Variants in SHPRH observed in about 807,000 individuals in gnomAD.
SHPRH encodes SNF2 histone linker PHD RING helicase, also known as E3 ubiquitin-protein ligase SHPRH.
Under a neutral mutation model 202.5 loss-of-function variants are expected in SHPRH, and 106 were observed. That is an observed-to-expected ratio of 0.52 (90% CI 0.45 to 0.62). The LOEUF is 0.62. SHPRH is among the 20% of genes least tolerant of loss of function. The pLI is 0.00. For synonymous variants in SHPRH, 729 were observed against 686.0 expected, an observed-to-expected ratio of 1.06 and a Z score of -0.98; for missense variants, 1,710 against 2,020.0, an observed-to-expected ratio of 0.85 and a Z score of 2.94.
intron 1 of SHPRH, among the ~76,000 whole-genome samples, chr6:145,960,167 C>A (rs1788940022): frequency 6.6e-6 from 1 of 151,954 alleles, no homozygotes; most frequent in African/African-American, 2.4e-5. Context: ...GTTCCTATCC[C>A]CTCTCCTTGG....
Position 145,941,685 on chromosome 6 carries a change from C to T in SHPRH, c.2428G>A (p.Ala810Thr). The T allele has an allele frequency of 6.2e-7, 1 of 1,614,066 alleles. No homozygotes were observed. Among genetic ancestry groups the T allele is most frequent in the Non-Finnish European group, 8.5e-7 (1 of 1,179,960 alleles). Residue 810 changes from alanine to threonine, a missense_variant, in exon 10 of 30, where the codon GCT (alanine) becomes ACT (threonine). Coordinates refer to ENST00000275233, the MANE Select transcript of SHPRH (RefSeq NM_001042683.3). ...AGGCAGATCCTCCACCACTCCACAG[C>T]TACCAGGGGGCTCGGGATAGCCATA... ...RYMAIPSPLVAVEWWRICLDE... is the reference protein window; with the variant it reads ...RYMAIPSPLVTVEWWRICLDE...
At chr6:145,895,485 G>A (rs1450581002) in intron 25 of SHPRH, among the ~76,000 whole-genome samples, 2 of 150,836 alleles carry the variant, frequency 1.3e-5, no homozygotes, top group African/African-American at 4.9e-5. Context: ...TACAAATGAT[G>A]CTCACTTAGA....
chr6:145,923,840 G>C, intron 17 of SHPRH, 55 bp from the exon 18 acceptor site: 1 of 1,565,112 alleles, frequency 6.4e-7, no homozygotes, highest in Non-Finnish European at 8.7e-7. Context: ...TACTCACTAA[G>C]CTTCCATCAC....
At chr6:145,906,171 C>A (rs1167954258) in intron 25 of SHPRH, 3 of 151,992 alleles carry the variant, frequency 2.0e-5, no homozygotes, top group Admixed American at 2.0e-4. Context: ...CCCTGAAGCC[C>A]AGTTATCCCA....
chr6:145,869,822 T>TTC (rs1283720160), intron 2 of SHPRH, among the ~76,000 whole-genome samples: 1 of 149,884 alleles, frequency 6.7e-6, no homozygotes, highest in African/African-American at 2.4e-5. Flanking sequence ...TTCTTTTCTT[T>TTC]TTTTTTTTTT....
intron 2 of SHPRH, among the ~76,000 whole-genome samples, chr6:145,874,130 G>A (rs1780190144): frequency 6.6e-6 from 1 of 151,956 alleles, no homozygotes; most frequent in Non-Finnish European, 1.5e-5. Context: ...TTCAGGAAGA[G>A]GAGGTTGCAG....
intron 28 of SHPRH, among the ~76,000 whole-genome samples, chr6:145,890,117 CT>C (rs1362444335): frequency 1.3e-5 from 2 of 152,074 alleles, no homozygotes; most frequent in African/African-American, 4.8e-5. Flanking sequence ...CATTCTCTTC[CT>C]TTTCTCTGCA....
intron 1 of SHPRH, among the ~76,000 whole-genome samples, chr6:145,959,026 C>A (rs867343202): frequency 6.6e-6 from 1 of 151,950 alleles, no homozygotes; most frequent in South Asian, 2.1e-4. Context: ...TTAGTAGAGA[C>A]GGGGTTTCAT....
chr6:145,923,088 G>T (rs1784565515), intron 18 of SHPRH, among the ~76,000 whole-genome samples: 2 of 151,776 alleles, frequency 1.3e-5, no homozygotes, highest in Non-Finnish European at 2.9e-5. Flanking sequence ...CATGAAAAAT[G>T]TATGTCTGTC....
intron 3 of SHPRH, 143 bp downstream of exon 3, chr6:145,952,206 A>C (rs181420358): frequency 1.4e-6 from 1 of 712,174 alleles, no homozygotes; most frequent in East Asian, 2.9e-5. Context: ...GGTGCATTTC[A>C]AATAAGTATA....
rs764127816 is a variant in SHPRH, at chr6:145,910,567, C to A, written c.4396G>T (p.Val1466Leu). The A allele has an allele frequency of 6.2e-7, 1 of 1,612,788 alleles. No individual in the cohort carries two copies. The highest frequency in any genetic ancestry group is 1.3e-5 in the African/African-American group (1 of 74,704). Residue 1466 changes from valine to leucine, a missense_variant, in exon 25 of 30, where the codon GTG (valine) becomes TTG (leucine). Transcript: ENST00000275233. ...CISIIIEQYS[V>L]GSHRSSIKCA... is the part of the protein sequence containing the mutation. ...TTAATGGAGCTTCTGTGAGATCCCA[C>A]GCTGTATTGTTCAATAATTATAGAA...
In SHPRH at chr6:145,893,312, T is replaced by G. The variant is rs182644629; in HGVS notation, c.4777A>C (p.Ile1593Leu). 86 of 1,606,208 alleles carry G rather than the reference T, an allele frequency of 5.4e-5. 1 individual carries two copies. In the East Asian group the frequency reaches 1.6e-3, roughly 30 times the overall value. ...AAGAGAACATGAGTTGCTTCAATGA[T>G]AGTTAATCCATTAGAACCTGTGTGC... is the stretch of plus-strand genomic sequence containing the variant. The part of the protein sequence containing the change: ...PLHTGSNGLT[I>L]IEATHVLLVE... The change falls in exon 28 of 30, where the codon ATC becomes CTC. Residue 1593 changes from isoleucine to leucine, a missense_variant. Ile to Leu is a conservative substitution (Grantham distance 5, BLOSUM62 2). Around this residue, in one of 8 missense-constraint regions of SHPRH, gnomAD observed 306 missense variants for 479.5 expected, o/e 0.64. Coordinates refer to ENST00000275233, the MANE Select transcript of SHPRH (RefSeq NM_001042683.3).
Position 145,927,172 on chromosome 6 carries a change from G to A in SHPRH, c.3201+17C>T. The A allele has an allele frequency of 6.2e-7, 1 of 1,605,582 alleles. No individual in the cohort carries two copies. The highest frequency in any genetic ancestry group is 8.5e-7 in the Non-Finnish European group (1 of 1,173,696). On this transcript the variant is annotated intron_variant, in intron 15 of 29. Coordinates refer to ENST00000275233, the MANE Select transcript of SHPRH (RefSeq NM_001042683.3). ...AAACAAACAGAATACCTATGAAACT[G>A]TTTAGTCTTTACTTACTTGAAGTGA... is the stretch of plus-strand genomic sequence containing the variant.
intron 28 of SHPRH, among the ~76,000 whole-genome samples, chr6:145,889,620 G>A (rs1204778095): frequency 6.6e-6 from 1 of 152,098 alleles, no homozygotes; most frequent in South Asian, 2.1e-4. Flanking sequence ...GCTATGAGTA[G>A]AATTTGTATA....
At chr6:145,922,405 T>G in intron 19 of SHPRH, 57 bp from the exon 20 acceptor site, 4 of 1,510,024 alleles carry the variant, frequency 2.6e-6, no homozygotes, top group Non-Finnish European at 3.6e-6. Flanking sequence ...ATCTGGTAAT[T>G]TTAAGGAGAA....
In SHPRH at chr6:145,893,372, G is replaced by A. The variant is rs771193142; in HGVS notation, c.4717C>T (p.Arg1573Cys). 1.5e-5 allele frequency: 24 copies of A among 1,588,380 alleles called. No homozygotes were observed. Among genetic ancestry groups the A allele is most frequent in the African/African-American group, 5.5e-5 (4 of 72,902 alleles). Reference sequence around the variant, plus strand: ...AGCAAAATATTGATTTGGGGATCACGTTTAAATGCTGAAAGGTTCTCCTAA... The same window carrying A: ...AGCAAAATATTGATTTGGGGATCACATTTAAATGCTGAAAGGTTCTCCTAA... ...TFQENLSAFKRDPQINILLLP... is the reference protein window; with the variant it reads ...TFQENLSAFKCDPQINILLLP... The change falls in exon 28 of 30, where the codon CGT becomes TGT. Residue 1573 changes from arginine to cysteine, a missense_variant. By Grantham distance (180) the Arg-to-Cys change is radical (BLOSUM62 -3). Transcript: ENST00000275233.
At chr6:145,883,375 C>G (rs995518812), downstream of SHPRH, 1 of 152,238 alleles carries the variant, frequency 6.6e-6, no homozygotes, top group African/African-American at 2.4e-5. Flanking sequence ...TGTCTGAAGA[C>G]AGGGGAAGGC....
chr6:145,906,900 C>G (rs1270298558), intron 25 of SHPRH: 1 of 152,210 alleles, frequency 6.6e-6, no homozygotes, highest in African/African-American at 2.4e-5. Context: ...CTCACCGAAG[C>G]AGAGCTTCCC....
At chr6:145,954,645 C>T (rs1788314388) in intron 2 of SHPRH, 45 bp downstream of exon 2, 1 of 1,519,216 alleles carries the variant, frequency 6.6e-7, no homozygotes, top group African/African-American at 1.4e-5. Context: ...ATTGGACTGC[C>T]AATGTAGAAG....
Sources: gnomAD v4.1 joint callset for allele counts (sites outside exome capture counted in the v4.1 genomes callset) on GRCh38, gnomAD v4.1.1 for gene constraint, gnomAD v4.1.1 regional missense constraint, MANE v1.5 for transcripts, NCBI Gene and HGNC (gene_info 2026-07-23, HGNC 2026-07-21) for gene names.